Variants in SLC4A4 observed in about 807,000 individuals in gnomAD.
SLC4A4 encodes solute carrier family 4 member 4.
A neutral mutation model predicts 111.5 loss-of-function variants in SLC4A4; 27 were observed. The ratio of observed to expected loss-of-function variants is 0.24; its 90% CI spans 0.18 to 0.33. The LOEUF (loss-of-function observed/expected upper bound fraction) is 0.33, where lower values mean the gene tolerates loss of function less well. SLC4A4 is among the 10% of genes least tolerant of loss of function. The pLI, the probability that SLC4A4 is intolerant of heterozygous loss-of-function variation, is 1.00. For synonymous variants in SLC4A4, 443 were observed against 463.4 expected (o/e 0.96, Z 0.57); for missense variants, 909 against 1,315.5 (o/e 0.69, Z 4.78).
intron 3 of SLC4A4, among the ~76,000 whole-genome samples, chr4:71,324,599 A>T (rs1307543564): frequency 6.6e-6 from 1 of 152,020 alleles, no homozygotes; most frequent in Non-Finnish European, 1.5e-5. Context: ...TCCTCGTTTT[A>T]ATTTTTTAAC....
intron 1 of SLC4A4, among the ~76,000 whole-genome samples, chr4:71,189,101 G>T (rs911306147): frequency 1.3e-5 from 2 of 152,114 alleles, no homozygotes; most frequent in African/African-American, 2.4e-5. Flanking sequence ...AGGAGTGGGG[G>T]TGACAAGGAC....
At chr4:71,326,512 A>C (rs1727515391) in intron 3 of SLC4A4, among the ~76,000 whole-genome samples, 1 of 152,070 alleles carries the variant, frequency 6.6e-6, no homozygotes, top group Non-Finnish European at 1.5e-5. Flanking sequence ...ATTTACATGC[A>C]TCTCCAAGCC....
intron 4 of SLC4A4, among the ~76,000 whole-genome samples, chr4:71,339,711 G>T (rs1328595403): frequency 1.3e-5 from 2 of 152,048 alleles, no homozygotes; most frequent in South Asian, 2.1e-4. Flanking sequence ...CACTATTGGG[G>T]CATTGTTTCA....
chr4:71,162,974 A>T (rs1744649999), intron 2 of SLC4A4, among the ~76,000 whole-genome samples: 1 of 152,218 alleles, frequency 6.6e-6, no homozygotes, highest in African/African-American at 2.4e-5. Context: ...ATGAGGAATA[A>T]TTCAATCTTT....
intron 2 of SLC4A4, among the ~76,000 whole-genome samples, chr4:71,102,139 G>A (rs1182041772): frequency 3.9e-5 from 6 of 152,118 alleles, no homozygotes; most frequent in African/African-American, 1.4e-4. Context: ...AGCCTCAGGA[G>A]CAGATGCGAT....
chr4:71,353,445 G>A (rs868553811), intron 5 of SLC4A4, among the ~76,000 whole-genome samples: 1 of 152,172 alleles, frequency 6.6e-6, no homozygotes, highest in Non-Finnish European at 1.5e-5. Context: ...GGGGAGAAGA[G>A]CATGTTTGAA....
intron 5 of SLC4A4, among the ~76,000 whole-genome samples, chr4:71,351,581 G>A (rs1173164999): frequency 2.6e-5 from 4 of 152,196 alleles, no homozygotes; most frequent in East Asian, 3.9e-4. Flanking sequence ...ATCGCTGGGC[G>A]TGGTGGCTCA....
chr4:71,312,942 G>A (rs1726328891), intron 3 of SLC4A4, among the ~76,000 whole-genome samples: 2 of 136,724 alleles, frequency 1.5e-5, no homozygotes, highest in East Asian at 2.2e-4. Context: ...GCAAGAGAAG[G>A]AAATAAAGGG....
chr4:71,377,993 A>G (rs1732572592), intron 6 of SLC4A4, among the ~76,000 whole-genome samples: 1 of 152,164 alleles, frequency 6.6e-6, no homozygotes, highest in African/African-American at 2.4e-5. Flanking sequence ...AATAAGCAAA[A>G]GCAGAAACCC....
intron 6 of SLC4A4, among the ~76,000 whole-genome samples, chr4:71,387,235 C>CA: frequency 6.6e-6 from 1 of 152,282 alleles, no homozygotes; most frequent in South Asian, 2.1e-4. Flanking sequence ...GAGTTTTACA[C>CA]TGACATTTCT....
At position 71,270,380 on chromosome 4, in the gene SLC4A4, G is replaced by A. The variant is rs537812276; in HGVS notation, c.253+14981G>A. 5.2e-4 allele frequency among the ~76,000 whole-genome samples: 79 copies of A among 152,258 alleles called. No homozygotes were observed. The South Asian group carries it at 5.4e-3, about 10-fold the overall frequency. On this transcript the variant is annotated intron_variant, in intron 3 of 25. Coordinates refer to ENST00000264485, the MANE Select transcript of SLC4A4 (RefSeq NM_001098484.3). ...GCTGGGATTACAGGCATGAGCCACCGTGCCCGGCAGAACCTGTGACTTTTA... is the reference window on the plus strand; with the variant it reads ...GCTGGGATTACAGGCATGAGCCACCATGCCCGGCAGAACCTGTGACTTTTA...
At chr4:71,233,738 T>C (rs1038566526) in intron 1 of SLC4A4, among the ~76,000 whole-genome samples, 1 of 152,166 alleles carries the variant, frequency 6.6e-6, no homozygotes, top group Non-Finnish European at 1.5e-5. Context: ...TCTTGATTTG[T>C]TCCCCAACAA....
intron 6 of SLC4A4, among the ~76,000 whole-genome samples, chr4:71,361,718 A>T (rs761506536): frequency 1.7e-4 from 26 of 152,216 alleles, no homozygotes; most frequent in Non-Finnish European, 2.8e-4. Context: ...ATTTGGTCTG[A>T]GATACTTAGC....
intron 11 of SLC4A4, 57 bp from the exon 12 acceptor site, chr4:71,453,437 AT>A (rs773949709): frequency 5.2e-5 from 79 of 1,514,698 alleles, no homozygotes; most frequent in Non-Finnish European, 6.7e-5. Context: ...TTACCTCTTG[AT>A]TAATTTGATG....
intron 2 of SLC4A4, among the ~76,000 whole-genome samples, chr4:71,134,180 T>G (rs1743783391): frequency 6.6e-6 from 1 of 152,258 alleles, no homozygotes; most frequent in Non-Finnish European, 1.5e-5. Context: ...AAATAAAATA[T>G]GAGGTTCTAT....
chr4:71,079,969 A>G (rs1377356117), intron 1 of SLC4A4, among the ~76,000 whole-genome samples: 1 of 152,024 alleles, frequency 6.6e-6, no homozygotes, highest in Non-Finnish European at 1.5e-5. Context: ...AAATGCGGGC[A>G]AGCAGTTCTC....
chr4:71,157,191 T>A (rs1457285374), intron 2 of SLC4A4, among the ~76,000 whole-genome samples: 2 of 152,156 alleles, frequency 1.3e-5, no homozygotes, highest in Non-Finnish European at 2.9e-5. Flanking sequence ...CAAAGTTGAG[T>A]GTGCGTCACT....
chr4:71,116,870 G>A (rs770013696), intron 2 of SLC4A4, among the ~76,000 whole-genome samples: 13 of 151,954 alleles, frequency 8.6e-5, no homozygotes, highest in Non-Finnish European at 1.9e-4. Flanking sequence ...TTGAACCCGG[G>A]AGGCGGAGGT....
chr4:71,512,383 C>T (rs539740629), intron 16 of SLC4A4, among the ~76,000 whole-genome samples: 5 of 152,104 alleles, frequency 3.3e-5, no homozygotes, highest in East Asian at 1.9e-4. Context: ...ATTTGCATTT[C>T]TCTGATGATT....
Sources: allele counts gnomAD v4.1 joint callset (sites outside exome capture counted in the v4.1 genomes callset), GRCh38; gene constraint gnomAD v4.1.1; transcripts MANE v1.5; gene names NCBI Gene and HGNC (gene_info 2026-07-23, HGNC 2026-07-21).